The following ARFGEF2 variants were observed in gnomAD, a reference collection of about 807,000 sequenced individuals.
ARFGEF2 encodes the protein brefeldin A-inhibited guanine nucleotide-exchange protein 2.
A neutral mutation model predicts 219.9 loss-of-function variants in ARFGEF2; 74 were observed. The ratio of observed to expected loss-of-function variants is 0.34; its 90% CI spans 0.28 to 0.41. The LOEUF (loss-of-function observed/expected upper bound fraction) is 0.41. ARFGEF2 is among the 10% of genes least tolerant of loss of function. The pLI is 1.00. For synonymous variants in ARFGEF2, 733 were observed against 799.2 expected, an observed-to-expected ratio of 0.92 and a Z score of 1.40; for missense variants, 1,743 against 2,218.3, an observed-to-expected ratio of 0.79 and a Z score of 4.30.
intron 14 of ARFGEF2, among the ~76,000 whole-genome samples, chr20:48,979,957 A>G (rs1028294598): frequency 2.7e-5 from 4 of 150,780 alleles, no homozygotes; most frequent in Non-Finnish European, 5.9e-5. Flanking sequence ...TTTTTTTTGA[A>G]GGGTTTTTTA....
Position 48,943,417 on chromosome 20 carries a change from A to G in ARFGEF2, c.276+1430A>G, listed in dbSNP as rs115713736. ...ATTACCTTTTACTGAAGAAGAAGCA[A>G]GAGTAGAGAAGTTAAGGTGACTTGT... On this transcript the variant is annotated intron_variant, in intron 3 of 38. Coordinates refer to ENST00000371917, the MANE Select transcript of ARFGEF2 (RefSeq NM_006420.3). Among the ~76,000 whole-genome samples, 443 of 152,356 alleles carry G rather than the reference A, an allele frequency of 2.9e-3. 2 individuals carry two copies. Among genetic ancestry groups the G allele is most frequent in the Middle Eastern group, 0.014 (4 of 294 alleles).
intron 1 of ARFGEF2, among the ~76,000 whole-genome samples, chr20:48,929,056 T>C: frequency 6.6e-6 from 1 of 152,238 alleles, no homozygotes; most frequent in East Asian, 1.9e-4. Flanking sequence ...TGGAGTGTCC[T>C]ATATAAATAG....
intron 1 of ARFGEF2, among the ~76,000 whole-genome samples, chr20:48,926,247 A>C (rs1172783492): frequency 6.6e-6 from 1 of 152,244 alleles, no homozygotes; most frequent in African/African-American, 2.4e-5. Flanking sequence ...TAAAACAATC[A>C]GTATACCGCA....
At chr20:48,946,410 G>A (rs117139775) in intron 3 of ARFGEF2, among the ~76,000 whole-genome samples, 2,655 of 152,032 alleles carry the variant, frequency 0.017, 35 homozygotes, top group Non-Finnish European at 0.028. Context: ...TCAGTGTAAG[G>A]GGGGTTAAGG....
intron 14 of ARFGEF2, among the ~76,000 whole-genome samples, chr20:48,978,090 C>T (rs183824837): frequency 6.6e-6 from 1 of 152,146 alleles, no homozygotes; most frequent in East Asian, 1.9e-4. Flanking sequence ...AGGTTTTCTT[C>T]TAGAGTTTTT....
At chr20:49,010,157 A>G (rs1358038673) in intron 26 of ARFGEF2, 75 bp from the exon 27 acceptor site, 15 of 1,539,170 alleles carry the variant, frequency 9.7e-6, no homozygotes, top group Admixed American at 7.0e-5. Context: ...TGCTGCTTCT[A>G]AGGGATGAGC....
Position 48,988,324 on chromosome 20 carries a change from C to T in ARFGEF2, c.2297C>T (p.Ala766Val). ...CNQGQTLFAS[A>V]DTAYVLAYSI... Reference sequence around the variant, plus strand: ...TCCAGGCAAACTCTGTTTGCTAGTGCTGACACTGCTTATGTCCTAGCGTAT... The same window carrying T: ...TCCAGGCAAACTCTGTTTGCTAGTGTTGACACTGCTTATGTCCTAGCGTAT... Residue 766 changes from alanine (A) to valine (V), a missense_variant, in exon 17 of 39, where the codon GCT becomes GTT. Physicochemically the swap from Ala to Val is moderately conservative, Grantham distance 64 (BLOSUM62 0). This residue lies in a region of ARFGEF2 where 666 missense variants were observed against 955.4 expected (regional missense o/e 0.70). Transcript: ENST00000371917. 1 of 1,613,556 alleles carries T rather than the reference C, an allele frequency of 6.2e-7. No individual in the cohort carries two copies.
At position 48,972,379 on chromosome 20, in the gene ARFGEF2, T is replaced by G; in HGVS notation, c.1479T>G (p.Phe493Leu). 6.2e-7 allele frequency: 1 copy of G among 1,614,198 alleles called. No individual in the cohort carries two copies. The highest frequency in any genetic ancestry group is 8.5e-7 in the Non-Finnish European group (1 of 1,180,002). ...LNILETSTSS[F>L]EHRWMVIQTL... is the part of the protein sequence containing the mutation. Reference sequence around the variant, plus strand: ...TTTTAGAAACATCAACAAGTTCTTTTGAGCACAGGTGGATGGTCATTCAGA... The same window carrying G: ...TTTTAGAAACATCAACAAGTTCTTTGGAGCACAGGTGGATGGTCATTCAGA... The change falls in exon 11 of 39, where the codon TTT becomes TTG. Residue 493 changes from phenylalanine (F) to leucine (L), a missense_variant. Coordinates refer to ENST00000371917, the MANE Select transcript of ARFGEF2 (RefSeq NM_006420.3).
Position 49,032,099 on chromosome 20 carries a change from A to G in ARFGEF2, c.5114A>G (p.His1705Arg). Reference sequence around the variant, plus strand: ...TTCATCACTGTGAATTCTGAGAGCCATCGGGAGGCCTGGACAAGTCTCTTG... The same window carrying G: ...TTCATCACTGTGAATTCTGAGAGCCGTCGGGAGGCCTGGACAAGTCTCTTG... ...AYFITVNSES[H>R]REAWTSLLLL... Residue 1705 changes from histidine (H) to arginine (R), a missense_variant, in exon 38 of 39, where the codon CAT becomes CGT. Physicochemically the swap from His to Arg is conservative, Grantham distance 29 (BLOSUM62 0). Around this residue, in one of 5 missense-constraint regions of ARFGEF2, gnomAD observed 578 missense variants for 664.0 expected, o/e 0.87. Transcript: ENST00000371917. 6 of 1,614,096 alleles carry G rather than the reference A, an allele frequency of 3.7e-6. No individual in the cohort carries two copies. Among genetic ancestry groups the G allele is most frequent in the Non-Finnish European group, 5.1e-6 (6 of 1,180,000 alleles).
chr20:49,011,736 G>C (rs2091499703), intron 27 of ARFGEF2, among the ~76,000 whole-genome samples, 188 bp from the exon 28 acceptor site: 2 of 152,220 alleles, frequency 1.3e-5, no homozygotes, highest in African/African-American at 2.4e-5. Context: ...GCTGTACCCA[G>C]TGCATTCATT....
chr20:48,950,808 AAAAATATATATATATATATATAT>A (rs1451105221), intron 3 of ARFGEF2, among the ~76,000 whole-genome samples: 12 of 42,288 alleles, frequency 2.8e-4, no homozygotes, highest in African/African-American at 1.8e-3. Flanking sequence ...AAAAAAAAAA[AAAAATATATATATATATATATAT>A]ATATATATAT....
intron 10 of ARFGEF2, 131 bp from the exon 11 acceptor site, chr20:48,972,195 G>T (rs1376890551): frequency 2.8e-6 from 2 of 706,144 alleles, no homozygotes; most frequent in East Asian, 2.7e-5. Context: ...AGCCAGGTGG[G>T]CACTCCACTC....
At chr20:49,001,096 C>T (rs987149998) in intron 25 of ARFGEF2, among the ~76,000 whole-genome samples, 1 of 121,934 alleles carries the variant, frequency 8.2e-6, no homozygotes, top group Non-Finnish European at 1.6e-5. Context: ...GAGTTTCGCA[C>T]TGTTGCCAGG....
intron 21 of ARFGEF2, 45 bp downstream of exon 21, chr20:48,991,243 T>TG: frequency 6.2e-7 from 1 of 1,609,522 alleles, no homozygotes; most frequent in South Asian, 1.1e-5. Flanking sequence ...GGATGACTCC[T>TG]GGCTTCCTTT....
chr20:48,985,332 C>T, intron 15 of ARFGEF2, 76 bp from the exon 16 acceptor site: 2 of 1,503,828 alleles, frequency 1.3e-6, no homozygotes, highest in East Asian at 2.3e-5. Context: ...ATTCTGACTC[C>T]ACCCTTTGGC....
intron 35 of ARFGEF2, 43 bp from the exon 36 acceptor site, chr20:49,025,270 C>A: frequency 6.3e-7 from 1 of 1,579,332 alleles, no homozygotes; most frequent in South Asian, 1.1e-5. Context: ...CAGAGCATTC[C>A]ATCTTCTTCA....
chr20:48,985,325 C>T, intron 15 of ARFGEF2, 83 bp from the exon 16 acceptor site: 1 of 1,470,038 alleles, frequency 6.8e-7, no homozygotes, highest in South Asian at 1.1e-5. Context: ...CCAGGCTATT[C>T]TGACTCCACC....
Position 48,989,313 on chromosome 20 carries a change from G to A in ARFGEF2, c.2562G>A (p.Leu854=). ...TAGCTAGTGAAAAGCAGCGGCGGCT[G>A]CTGTACAACTTAGAGATGGAGCAAA... ...QNVASEKQRR[L]LYNLEMEQMA... The change falls in exon 19 of 39, where the codon CTG becomes CTA. Residue 854 remains leucine, a synonymous_variant. Transcript: ENST00000371917. 1 of 1,614,162 alleles carries A rather than the reference G, an allele frequency of 6.2e-7. No individual in the cohort carries two copies. The highest frequency in any genetic ancestry group is 8.5e-7 in the Non-Finnish European group (1 of 1,179,994).
rs551109685 is a variant in ARFGEF2 at position 48,950,626 on chromosome 20, T to C, written c.277-697T>C. 7.5e-3 allele frequency among the ~76,000 whole-genome samples: 1,132 copies of C among 150,806 alleles called. 15 individuals are homozygous for C. The highest frequency in any genetic ancestry group is 0.025 in the African/African-American group (1,038 of 41,136). ...CTGAGCAATATAGCAAGACCCCATC[T>C]CTACAAAGAATAAAGAAAAATTAGA... On this transcript the variant is annotated intron_variant, in intron 3 of 38. Transcript: ENST00000371917.
Sources: gnomAD v4.1 joint callset for allele counts (sites outside exome capture counted in the v4.1 genomes callset) on GRCh38, gnomAD v4.1.1 for gene constraint, gnomAD v4.1.1 regional missense constraint, MANE v1.5 for transcripts, NCBI Gene and HGNC (gene_info 2026-07-23, HGNC 2026-07-21) for gene names.